CACNA2D2: variants seen among roughly 807,000 people sequenced by gnomAD.
The protein encoded by CACNA2D2 is calcium voltage-gated channel auxiliary subunit alpha2delta 2.
In CACNA2D2, 48 loss-of-function variants were observed where a neutral mutation model predicts 166.4. That is an observed-to-expected ratio of 0.29 (90% confidence interval 0.23 to 0.37). CACNA2D2 has a LOEUF of 0.37. Ranked by LOEUF, CACNA2D2 falls within the 10% of genes least tolerant of loss-of-function variation. The probability of loss-of-function intolerance (pLI) is 1.00; values close to 1 mark genes in which losing one functional copy is unlikely to be tolerated. For synonymous variants in CACNA2D2, 561 were observed against 573.7 expected (o/e 0.98, Z 0.32); for missense variants, 1,122 against 1,433.0 (o/e 0.78, Z 3.50).
chr3:50,448,576 T>C (rs191666602), intron 2 of CACNA2D2, among the ~76,000 whole-genome samples: 27 of 152,272 alleles, frequency 1.8e-4, no homozygotes, highest in Admixed American at 1.1e-3. Flanking sequence ...GGTGTGTATA[T>C]GCCCAGGTTT....
Position 50,363,366 on chromosome 3 carries a change from A to G in CACNA2D2, c.*1300T>C. The G allele has an allele frequency of 2.5e-6, 1 of 397,998 alleles. No homozygotes were observed. The highest frequency in any genetic ancestry group is 4.4e-6 in the Non-Finnish European group (1 of 225,944). 24.7% of individuals were successfully genotyped at this position (397,998 alleles called of 1,614,324 possible). On this transcript the variant is annotated 3_prime_UTR_variant, in exon 38 of 38. Transcript: ENST00000424201. The stretch of plus-strand genomic sequence containing the variant: ...CCCAGTCCATCTGAGCCCCATCACT[A>G]TATCCCCTTGCCCTCAGTTCCCCAC...
chr3:50,386,773 C>T (rs1705630348), intron 5 of CACNA2D2, among the ~76,000 whole-genome samples: 1 of 152,250 alleles, frequency 6.6e-6, no homozygotes, highest in Non-Finnish European at 1.5e-5. Context: ...AGTCTAGACA[C>T]TGTGCTGCTG....
intron 3 of CACNA2D2, among the ~76,000 whole-genome samples, chr3:50,409,173 C>G (rs549643731): frequency 6.6e-6 from 1 of 152,348 alleles, no homozygotes; most frequent in South Asian, 2.1e-4. Flanking sequence ...TCCACCCAGG[C>G]AGACTGGCCA....
chr3:50,368,596 A>G (rs1704482532), intron 23 of CACNA2D2, among the ~76,000 whole-genome samples: 1 of 152,166 alleles, frequency 6.6e-6, no homozygotes, highest in African/African-American at 2.4e-5. Context: ...GAGCATTCCC[A>G]TGGGCACCAG....
intron 2 of CACNA2D2, among the ~76,000 whole-genome samples, chr3:50,436,384 C>T (rs1575683892): frequency 6.6e-6 from 1 of 152,180 alleles, no homozygotes; most frequent in East Asian, 1.9e-4. Context: ...TGAGGCAGGA[C>T]CATGTGGTTC....
intron 2 of CACNA2D2, among the ~76,000 whole-genome samples, chr3:50,462,433 G>A (rs199954002): frequency 3.8e-4 from 47 of 123,980 alleles, no homozygotes; most frequent in Admixed American, 5.6e-4. Context: ...TAATAATAAT[G>A]ATAATAATAA....
At chr3:50,382,845 C>T (rs587761687) in intron 6 of CACNA2D2, among the ~76,000 whole-genome samples, 2 of 152,292 alleles carry the variant, frequency 1.3e-5, no homozygotes, top group East Asian at 1.9e-4. Context: ...GAGACCCCTG[C>T]TCTGCGTGGG....
At chr3:50,465,623 G>C (rs560226238) in intron 2 of CACNA2D2, among the ~76,000 whole-genome samples, 1 of 152,338 alleles carries the variant, frequency 6.6e-6, no homozygotes, top group East Asian at 1.9e-4. Context: ...ATGCTGATGG[G>C]GAGGCGCACA....
intron 6 of CACNA2D2, among the ~76,000 whole-genome samples, chr3:50,383,173 A>AG (rs1206513835): frequency 2.0e-5 from 3 of 152,180 alleles, no homozygotes; most frequent in African/African-American, 7.2e-5. Context: ...TGCCTGTGAT[A>AG]GTGCCCCTCG....
At chr3:50,466,383 C>T (rs1468911492) in intron 2 of CACNA2D2, among the ~76,000 whole-genome samples, 1 of 152,184 alleles carries the variant, frequency 6.6e-6, no homozygotes, top group East Asian at 1.9e-4. Context: ...GCTCTCCACA[C>T]CTGCCTCCTC....
intron 2 of CACNA2D2, 136 bp from the exon 3 acceptor site, chr3:50,434,565 G>C (rs1027674114): frequency 4.3e-6 from 3 of 695,736 alleles, no homozygotes; most frequent in Non-Finnish European, 7.6e-6. Context: ...GCCTCTGAGA[G>C]AGGGCATGGA....
chr3:50,485,129 G>A (rs148238039), intron 1 of CACNA2D2, among the ~76,000 whole-genome samples: 3 of 152,356 alleles, frequency 2.0e-5, no homozygotes, highest in African/African-American at 7.2e-5. Flanking sequence ...GGAAGAAAGT[G>A]CTGAGGAAGA....
At chr3:50,391,716 T>C (rs141710722) in intron 4 of CACNA2D2, among the ~76,000 whole-genome samples, 167 of 152,342 alleles carry the variant, frequency 1.1e-3, no homozygotes, top group Non-Finnish European at 2.1e-3. Context: ...ATACCATTGA[T>C]ACCATTGTCT....
rs752498975 is a variant in CACNA2D2, at chr3:50,381,077, C to T, written c.702G>A (p.Val234=). 1.9e-6 allele frequency: 3 copies of T among 1,613,958 alleles called. No individual in the cohort carries two copies. Among genetic ancestry groups the T allele is most frequent in the African/African-American group, 2.7e-5 (2 of 74,998 alleles). The part of the protein sequence containing the change: ...ELNWTEALEN[V]FMENRRQDPT... ...GGTCTTGTCTGCGGTTTTCCATGAACACATTCTCCAGGGCCTCTGTCCAGT... is the reference window on the plus strand; with the variant it reads ...GGTCTTGTCTGCGGTTTTCCATGAATACATTCTCCAGGGCCTCTGTCCAGT... Residue 234 remains valine (V), a synonymous_variant, in exon 7 of 38, where the codon GTG becomes GTA. Coordinates refer to ENST00000424201, the MANE Select transcript of CACNA2D2 (RefSeq NM_006030.4).
In CACNA2D2 at chr3:50,364,801, A is replaced by G. The variant is rs750474065; in HGVS notation, c.3297T>C (p.Asp1099=). Reference sequence around the variant, plus strand: ...AGGCCCCGCGGCCACAGTCTGAGGTATCTTCCTGCGGGGAGAGACAAGGAG... The same window carrying G: ...AGGCCCCGCGGCCACAGTCTGAGGTGTCTTCCTGCGGGGAGAGACAAGGAG... ...HICFDYNATE[D]TSDCGRGASF... is the part of the protein sequence containing the mutation. The change falls in exon 38 of 38, where the codon GAT becomes GAC. Residue 1099 remains aspartate (D), a synonymous_variant. Transcript: ENST00000424201. 3 of 1,611,164 alleles carry G rather than the reference A, an allele frequency of 1.9e-6. No individual in the cohort carries two copies. Among genetic ancestry groups the G allele is most frequent in the South Asian group, 1.1e-5 (1 of 90,840 alleles).
At chr3:50,466,259 T>C (rs776930706) in intron 2 of CACNA2D2, among the ~76,000 whole-genome samples, 3 of 147,254 alleles carry the variant, frequency 2.0e-5, no homozygotes, top group Non-Finnish European at 4.5e-5. Flanking sequence ...ATGGGGGAAG[T>C]GTGTGTGTGC....
chr3:50,419,206 G>A (rs1270309406), intron 3 of CACNA2D2, among the ~76,000 whole-genome samples: 1 of 152,158 alleles, frequency 6.6e-6, no homozygotes, highest in African/African-American at 2.4e-5. Flanking sequence ...CATTTAGTGG[G>A]CTCCCTCTCT....
Position 50,380,959 on chromosome 3 carries a change from G to A in CACNA2D2, c.784+36C>T. 1 of 1,611,476 alleles carries A rather than the reference G, an allele frequency of 6.2e-7. No homozygotes were observed. The highest frequency in any genetic ancestry group is 8.5e-7 in the Non-Finnish European group (1 of 1,178,284). On this transcript the variant is annotated intron_variant, in intron 7 of 37. Coordinates refer to ENST00000424201, the MANE Select transcript of CACNA2D2 (RefSeq NM_006030.4). The surrounding 1 kb of genome is among the most constrained non-coding windows in gnomAD (Gnocchi z 4.9). Reference sequence around the variant, plus strand: ...GGGCTGGTAGATGGAGAAAGGCGAGGTGCTGGGTAGACAGGGGACAGGGGC... The same window carrying A: ...GGGCTGGTAGATGGAGAAAGGCGAGATGCTGGGTAGACAGGGGACAGGGGC...
chr3:50,365,397 G>A lies in CACNA2D2; in HGVS notation c.3057C>T (p.Asn1019=), dbSNP rs149440809. The change falls in exon 35 of 38, where the codon AAC becomes AAT. Residue 1019 remains asparagine (N), a synonymous_variant. Coordinates refer to ENST00000424201, the MANE Select transcript of CACNA2D2 (RefSeq NM_006030.4). The surrounding 1 kb of genome is among the most constrained non-coding windows in gnomAD (Gnocchi z 4.5). ...KQTQYYFGSV[N]ASYNAIIDCG... is the part of the protein sequence containing the mutation. ...AGTCGATGATGGCGTTGTAGGAGGC[G>A]TTTACCGAGCCGAAGTAGTACTGGG... 1.9e-6 allele frequency: 3 copies of A among 1,613,620 alleles called. No homozygotes were observed. Among genetic ancestry groups the A allele is most frequent in the Non-Finnish European group, 2.5e-6 (3 of 1,179,844 alleles).
Sources: gnomAD v4.1 joint callset for allele counts (sites outside exome capture counted in the v4.1 genomes callset) on GRCh38, gnomAD v4.1.1 for gene constraint, Gnocchi (gnomAD v3.1) non-coding constraint, MANE v1.5 for transcripts, NCBI Gene and HGNC (gene_info 2026-07-23, HGNC 2026-07-21) for gene names.